The following THSD7B variants were observed in gnomAD, a reference collection of about 807,000 sequenced individuals.
THSD7B encodes thrombospondin type 1 domain containing 7B.
A neutral mutation model predicts 213.6 loss-of-function variants in THSD7B; 138 were observed. That is an observed-to-expected ratio of 0.65 (90% CI 0.56 to 0.74). THSD7B has a LOEUF of 0.74. THSD7B is among the 30% of genes least tolerant of loss of function. The pLI, the probability that THSD7B is intolerant of heterozygous loss-of-function variation, is 0.00. For missense variants in THSD7B, 1,931 were observed against 1,991.5 expected, an observed-to-expected ratio of 0.97 and a Z score of 0.58; for synonymous variants, 742 against 687.0, an observed-to-expected ratio of 1.08 and a Z score of -1.25.
chr2:137,536,999 A>G (rs1680518798), intron 15 of THSD7B, among the ~76,000 whole-genome samples: 1 of 151,774 alleles, frequency 6.6e-6, no homozygotes, highest in African/African-American at 2.4e-5. Context: ...CTCTTCAGCT[A>G]TAGAGCTGCA....
chr2:136,905,668 T>A (rs180682078), intron 2 of THSD7B, among the ~76,000 whole-genome samples: 6 of 152,314 alleles, frequency 3.9e-5, no homozygotes, highest in African/African-American at 1.2e-4. Flanking sequence ...ATACTGCCTA[T>A]CAGGAATAGT....
chr2:137,367,804 A>G (rs1338574050), intron 12 of THSD7B, among the ~76,000 whole-genome samples: 1 of 152,090 alleles, frequency 6.6e-6, no homozygotes, highest in Non-Finnish European at 1.5e-5. Context: ...GTTCAGAAAG[A>G]GTGAGCATGA....
intron 4 of THSD7B, among the ~76,000 whole-genome samples, chr2:137,098,854 T>C (rs6743695): frequency 0.99 from 150,759 of 152,262 alleles, 74,650 homozygotes; most frequent in Non-Finnish European, 1. Flanking sequence ...TTCCCTGGGG[T>C]TACCACACTA....
intron 12 of THSD7B, among the ~76,000 whole-genome samples, chr2:137,392,361 T>C (rs1686051070): frequency 6.6e-6 from 1 of 152,202 alleles, no homozygotes; most frequent in African/African-American, 2.4e-5. Context: ...AATCCCCTAC[T>C]ATTATTGTAT....
chr2:136,771,685 T>A (rs1681508781), intron 1 of THSD7B, among the ~76,000 whole-genome samples: 1 of 152,138 alleles, frequency 6.6e-6, no homozygotes, highest in Non-Finnish European at 1.5e-5. Flanking sequence ...TCTGAACAAC[T>A]CAGGTGGTAA....
At chr2:137,223,906 C>G (rs13396158) in intron 7 of THSD7B, among the ~76,000 whole-genome samples, 1 of 152,014 alleles carries the variant, frequency 6.6e-6, no homozygotes, top group African/African-American at 2.4e-5. Context: ...CTCCCACCCC[C>G]GCTTCCTCCT....
Position 137,137,401 on chromosome 2 carries a change from G to A in THSD7B, c.1369+22108G>A, listed in dbSNP as rs146442852. Among the ~76,000 whole-genome samples the A allele has an allele frequency of 1.5e-3, 235 of 152,274 alleles. 2 individuals are homozygous for A. The highest frequency in any genetic ancestry group is 5.0e-3 in the African/African-American group (206 of 41,542). Reference sequence around the variant, plus strand: ...CATGTAGTATGTACAGTCAGGTACTGCATAACCATGTTTCGGTCAATGACA... The same window carrying A: ...CATGTAGTATGTACAGTCAGGTACTACATAACCATGTTTCGGTCAATGACA... On this transcript the variant is annotated intron_variant, in intron 5 of 27. Transcript: ENST00000409968.
chr2:137,331,704 G>T (rs932428969), intron 12 of THSD7B, among the ~76,000 whole-genome samples: 1 of 152,204 alleles, frequency 6.6e-6, no homozygotes, highest in Non-Finnish European at 1.5e-5. Flanking sequence ...GCCCATGGAG[G>T]GGGTGGGAGA....
intron 15 of THSD7B, among the ~76,000 whole-genome samples, chr2:137,508,648 C>G (rs1024361392): frequency 6.6e-6 from 1 of 151,594 alleles, no homozygotes; most frequent in Non-Finnish European, 1.5e-5. Context: ...CTCGGCCTTC[C>G]AAAGTGCTGG....
At chr2:137,383,657 A>G (rs1685828029) in intron 12 of THSD7B, among the ~76,000 whole-genome samples, 1 of 152,134 alleles carries the variant, frequency 6.6e-6, no homozygotes, top group Non-Finnish European at 1.5e-5. Context: ...CAGAGCCACT[A>G]TTGCCTGTAA....
At chr2:137,207,210 C>T (rs192255929) in intron 7 of THSD7B, among the ~76,000 whole-genome samples, 1 of 152,114 alleles carries the variant, frequency 6.6e-6, no homozygotes, top group East Asian at 1.9e-4. Flanking sequence ...AACAACTTGA[C>T]CAGGTAGAGT....
At chr2:136,887,444 G>A (rs568319696) in intron 2 of THSD7B, among the ~76,000 whole-genome samples, 1 of 152,224 alleles carries the variant, frequency 6.6e-6, no homozygotes, top group East Asian at 1.9e-4. Flanking sequence ...TGGAGGTGGG[G>A]TCAGGTGGCA....
chr2:137,409,241 G>A (rs748222984), intron 13 of THSD7B, among the ~76,000 whole-genome samples: 4 of 152,210 alleles, frequency 2.6e-5, no homozygotes, highest in African/African-American at 4.8e-5. Flanking sequence ...ATGGCATCAA[G>A]ATCTTGGAGA....
Position 137,057,221 on chromosome 2 carries a change from C to G in THSD7B, c.941C>G (p.Ala314Gly). The change falls in exon 3 of 28, where the codon GCT becomes GGT. Residue 314 changes from alanine to glycine, a missense_variant. Coordinates refer to ENST00000409968, the MANE Select transcript of THSD7B (RefSeq NM_001316349.2). ...VSCTRSDGQN[A>G]MLSLCLQDSF... is the part of the protein sequence containing the mutation. Reference sequence around the variant, plus strand: ...TGTACAAGAAGTGATGGACAAAATGCTATGTTAAGGTAGGAGACCTTTGAT... The same window carrying G: ...TGTACAAGAAGTGATGGACAAAATGGTATGTTAAGGTAGGAGACCTTTGAT... 6.2e-7 allele frequency: 1 copy of G among 1,609,932 alleles called. No individual in the cohort carries two copies. The highest frequency in any genetic ancestry group is 2.2e-5 in the East Asian group (1 of 44,826).
chr2:136,818,187 C>A (rs972760457), intron 1 of THSD7B, among the ~76,000 whole-genome samples: 4 of 150,636 alleles, frequency 2.7e-5, no homozygotes, highest in African/African-American at 9.8e-5. Context: ...GAAAATGTGG[C>A]ACATATACAC....
At chr2:137,423,446 A>G (rs766960106) in intron 14 of THSD7B, among the ~76,000 whole-genome samples, 5 of 152,136 alleles carry the variant, frequency 3.3e-5, no homozygotes, top group Non-Finnish European at 5.9e-5. Flanking sequence ...GCAGGTTTGC[A>G]GAGTATAAGA....
intron 2 of THSD7B, among the ~76,000 whole-genome samples, chr2:136,889,536 C>T (rs537142509): frequency 1.3e-5 from 2 of 152,332 alleles, no homozygotes; most frequent in African/African-American, 4.8e-5. Context: ...GTGTCCGCTG[C>T]TGAGCCAAGC....
chr2:137,498,880 C>T (rs1016333659), intron 15 of THSD7B, among the ~76,000 whole-genome samples: 31 of 152,114 alleles, frequency 2.0e-4, no homozygotes, highest in Admixed American at 1.7e-3. Context: ...CCACTTTTTT[C>T]AGGAATCTCA....
chr2:136,975,412 A>G (rs1685465078), intron 2 of THSD7B, among the ~76,000 whole-genome samples: 1 of 152,208 alleles, frequency 6.6e-6, no homozygotes, highest in Non-Finnish European at 1.5e-5. Flanking sequence ...AGGGCTAGCC[A>G]GTTCTCCCAG....
Sources: gnomAD v4.1 joint callset for allele counts (sites outside exome capture counted in the v4.1 genomes callset) on GRCh38, gnomAD v4.1.1 for gene constraint, MANE v1.5 for transcripts, NCBI Gene and HGNC (gene_info 2026-07-23, HGNC 2026-07-21) for gene names.